The following NAALADL2 variants were observed in gnomAD, a reference collection of about 807,000 sequenced individuals.
NAALADL2 encodes the protein N-acetylated alpha-linked acidic dipeptidase like 2, also known as inactive N-acetylated-alpha-linked acidic dipeptidase-like protein 2.
NAALADL2 carries 76 observed loss-of-function variants against 87.2 expected under a neutral mutation model. The ratio of observed to expected loss-of-function variants is 0.87; its 90% CI spans 0.72 to 1.05. The LOEUF is 1.05. Ranked by LOEUF, NAALADL2 falls within the 50% of genes least tolerant of loss-of-function variation. The pLI is 0.00. For missense variants in NAALADL2, 1,089 were observed against 945.8 expected, an observed-to-expected ratio of 1.15 and a Z score of -1.99; for synonymous variants, 354 against 331.0, an observed-to-expected ratio of 1.07 and a Z score of -0.75.
At chr3:175,264,474 A>G (rs367568052) in intron 4 of NAALADL2, among the ~76,000 whole-genome samples, 4 of 151,834 alleles carry the variant, frequency 2.6e-5, no homozygotes, top group Non-Finnish European at 4.4e-5. Flanking sequence ...ATAATAATAT[A>G]CTTAATAAAT....
chr3:175,499,614 G>A lies in NAALADL2; in HGVS notation c.1653+27856G>A, dbSNP rs541088990. Among the ~76,000 whole-genome samples, 4 of 151,984 alleles carry A rather than the reference G, an allele frequency of 2.6e-5. No individual in the cohort carries two copies. The South Asian group carries it at 8.3e-4, about 32-fold the overall frequency. ...TTTCAGTATGAATTGTGGGATTTAT[G>A]CGACAGGTCCGTGATTCGGATTGGA... On this transcript the variant is annotated intron_variant, in intron 9 of 13. Transcript: ENST00000454872.
At chr3:174,529,421 C>G (rs938636488) in intron 1 of NAALADL2, among the ~76,000 whole-genome samples, 1 of 152,192 alleles carries the variant, frequency 6.6e-6, no homozygotes, top group Non-Finnish European at 1.5e-5. Flanking sequence ...TTTTCCAGTG[C>G]AGTGTGCAAG....
intron 1 of NAALADL2, among the ~76,000 whole-genome samples, chr3:175,021,893 T>A (rs1020770209): frequency 6.6e-6 from 1 of 152,076 alleles, no homozygotes; most frequent in Non-Finnish European, 1.5e-5. Flanking sequence ...AGATCTCAAG[T>A]TGAAATGTGA....
intron 6 of NAALADL2, among the ~76,000 whole-genome samples, chr3:175,450,334 ATAT>A (rs1166693946): frequency 6.6e-6 from 1 of 152,176 alleles, no homozygotes; most frequent in Non-Finnish European, 1.5e-5. Flanking sequence ...AATTTAAAAC[ATAT>A]TATAATTATA....
intron 1 of NAALADL2, among the ~76,000 whole-genome samples, chr3:174,943,604 G>T (rs1017878890): frequency 2.0e-5 from 3 of 152,188 alleles, no homozygotes; most frequent in Non-Finnish European, 4.4e-5. Context: ...TTGTGGCCAA[G>T]AGTTTTTGCT....
At chr3:174,683,099 T>C (rs188711609) in intron 2 of NAALADL2, among the ~76,000 whole-genome samples, 1 of 152,256 alleles carries the variant, frequency 6.6e-6, no homozygotes, top group East Asian at 1.9e-4. Context: ...GCAGAAATTT[T>C]CCAGTTGAGA....
intron 1 of NAALADL2, among the ~76,000 whole-genome samples, chr3:174,443,997 C>G (rs1460919189): frequency 1.4e-5 from 2 of 144,696 alleles, no homozygotes; most frequent in South Asian, 2.1e-4. Flanking sequence ...GTATACATCA[C>G]TTGAATATTT....
intron 1 of NAALADL2, among the ~76,000 whole-genome samples, chr3:174,953,206 A>G (rs142478215): frequency 1.7e-3 from 259 of 151,758 alleles, no homozygotes; most frequent in African/African-American, 5.9e-3. Flanking sequence ...AGAACTTATA[A>G]CCTCAACTGC....
At chr3:175,761,412 A>T (rs1747991527) in intron 13 of NAALADL2, among the ~76,000 whole-genome samples, 1 of 152,114 alleles carries the variant, frequency 6.6e-6, no homozygotes, top group South Asian at 2.1e-4. Context: ...TTTGAAGGGC[A>T]TTTTTGTTGC....
intron 11 of NAALADL2, among the ~76,000 whole-genome samples, chr3:175,705,042 G>T (rs933445932): frequency 4.6e-5 from 7 of 152,186 alleles, no homozygotes; most frequent in African/African-American, 1.7e-4. Flanking sequence ...AGACATCCCA[G>T]ATGGAGAGCA....
At chr3:175,013,214 TA>T (rs1750307296) in intron 1 of NAALADL2, among the ~76,000 whole-genome samples, 1 of 107,536 alleles carries the variant, frequency 9.3e-6, no homozygotes, top group South Asian at 2.9e-4. Flanking sequence ...ATATAATATA[TA>T]TTTATATATA....
intron 1 of NAALADL2, among the ~76,000 whole-genome samples, chr3:174,468,362 TTTTC>T (rs930086678): frequency 3.7e-4 from 56 of 151,048 alleles, no homozygotes; most frequent in African/African-American, 1.1e-3. Context: ...TTCATTTTCA[TTTTC>T]TTTCTTTCTT....
chr3:174,797,729 C>G (rs1022955113), intron 3 of NAALADL2, among the ~76,000 whole-genome samples: 2 of 152,048 alleles, frequency 1.3e-5, no homozygotes, highest in Admixed American at 1.3e-4. Context: ...GAGCTTCCAG[C>G]CTCCAGAAAT....
intron 2 of NAALADL2, among the ~76,000 whole-genome samples, chr3:174,670,266 G>T (rs1275604320): frequency 6.6e-6 from 1 of 151,588 alleles, no homozygotes; most frequent in Non-Finnish European, 1.5e-5. Context: ...AGGACTTATG[G>T]TATTATTCTG....
chr3:175,760,717 G>A (rs1395035128), intron 13 of NAALADL2, among the ~76,000 whole-genome samples: 1 of 152,054 alleles, frequency 6.6e-6, no homozygotes, highest in Non-Finnish European at 1.5e-5. Flanking sequence ...CTGGATACTG[G>A]GTGTGTCTGG....
At chr3:175,786,199 G>T (rs1432776479) in intron 13 of NAALADL2, among the ~76,000 whole-genome samples, 43 of 151,854 alleles carry the variant, frequency 2.8e-4, no homozygotes, top group Non-Finnish European at 5.7e-4. Context: ...TCTTCTCGAG[G>T]AGTATCTTTG....
At chr3:175,572,942 T>C (rs73880202) in intron 9 of NAALADL2, among the ~76,000 whole-genome samples, 4,197 of 152,140 alleles carry the variant, frequency 0.028, 218 homozygotes, top group African/African-American at 0.096. Flanking sequence ...AATGGGGTCA[T>C]TTGTGCAATG....
At chr3:175,548,653 T>C (rs1713806927) in intron 9 of NAALADL2, among the ~76,000 whole-genome samples, 2 of 152,052 alleles carry the variant, frequency 1.3e-5, no homozygotes, top group Admixed American at 6.6e-5. Flanking sequence ...TAAATTTAAG[T>C]ACTGCTAAGA....
intron 1 of NAALADL2, among the ~76,000 whole-genome samples, chr3:174,894,873 AGAG>A (rs1455683615): frequency 6.6e-6 from 1 of 152,096 alleles, no homozygotes; most frequent in African/African-American, 2.4e-5. Flanking sequence ...AGAAATAACA[AGAG>A]GAGTTTCAGA....
Sources: allele counts gnomAD v4.1 joint callset (sites outside exome capture counted in the v4.1 genomes callset), GRCh38; gene constraint gnomAD v4.1.1; transcripts MANE v1.5; gene names NCBI Gene and HGNC (gene_info 2026-07-23, HGNC 2026-07-21).